Variants in SGCD observed in about 807,000 individuals in gnomAD.
SGCD encodes sarcoglycan delta.
Under a neutral mutation model 36.6 loss-of-function variants are expected in SGCD, and 18 were observed. The observed-to-expected ratio is 0.49, with a 90% CI of 0.34 to 0.73. SGCD has a LOEUF of 0.73. Among genes scored for constraint, SGCD ranks in the 30% least tolerant of loss-of-function variants. The probability of loss-of-function intolerance (pLI) is 0.01; values close to 1 mark genes in which losing one functional copy is unlikely to be tolerated. For missense variants in SGCD, 387 were observed against 346.7 expected (o/e 1.12, Z -0.92); for synonymous variants, 133 against 130.6 (o/e 1.02, Z -0.12).
chr5:155,888,300 C>T (rs774687753), intron 1 of SGCD, among the ~76,000 whole-genome samples: 6 of 152,100 alleles, frequency 3.9e-5, no homozygotes, highest in Non-Finnish European at 7.3e-5. Flanking sequence ...TCTTCATTTC[C>T]GAAATGTATT....
At chr5:156,665,093 A>G (rs1764091889) in intron 7 of SGCD, among the ~76,000 whole-genome samples, 1 of 151,860 alleles carries the variant, frequency 6.6e-6, no homozygotes, top group Non-Finnish European at 1.5e-5. Context: ...GGATATCCAT[A>G]CTGACTTTCT....
the SGCD span, among the ~76,000 whole-genome samples, chr5:155,738,407 T>A: frequency 6.6e-6 from 1 of 152,208 alleles, no homozygotes; most frequent in African/African-American, 2.4e-5. Context: ...ACAAAAAGCA[T>A]GTTTTTCCTC....
At chr5:156,701,564 C>G (rs28445785) in intron 7 of SGCD, among the ~76,000 whole-genome samples, 90 of 152,158 alleles carry the variant, frequency 5.9e-4, no homozygotes, top group African/African-American at 2.1e-3. Context: ...ATGGGGGACA[C>G]TGGTGATAGA....
rs1388220517 is a variant in SGCD at position 156,433,005 on chromosome 5, G to A, written c.193-75596G>A. ...CACTTCCTGCTCACTCACAGATTCT[G>A]TTCAGGAGAGTTCATCCCACTCAAA... On this transcript the variant is annotated intron_variant, in intron 3 of 8. Coordinates refer to ENST00000337851, the MANE Select transcript of SGCD (RefSeq NM_000337.6). 2.0e-5 allele frequency among the ~76,000 whole-genome samples: 3 copies of A among 152,166 alleles called. No individual in the cohort carries two copies. The East Asian group carries it at 5.8e-4, about 29-fold the overall frequency.
the SGCD span, among the ~76,000 whole-genome samples, chr5:155,812,949 A>G: frequency 7.9e-4 from 120 of 152,194 alleles, no homozygotes; most frequent in African/African-American, 2.8e-3. Context: ...TAAATGAGAC[A>G]CCTGGAATGT....
intron 3 of SGCD, among the ~76,000 whole-genome samples, chr5:156,448,099 T>C (rs1753825284): frequency 6.6e-6 from 1 of 152,142 alleles, no homozygotes; most frequent in East Asian, 1.9e-4. Context: ...AAAAATACCA[T>C]TGTACTACAT....
At chr5:156,142,781 C>T (rs553437546) in intron 3 of SGCD, among the ~76,000 whole-genome samples, 51 of 152,034 alleles carry the variant, frequency 3.4e-4, no homozygotes, top group Non-Finnish European at 6.3e-4. Context: ...AGCCTAAGTC[C>T]TTATGTATGA....
chr5:155,796,494 A>T, the SGCD span, among the ~76,000 whole-genome samples: 1 of 151,984 alleles, frequency 6.6e-6, no homozygotes, highest in Non-Finnish European at 1.5e-5. Context: ...CATATAAGAA[A>T]AAAAAAACAC....
intron 1 of SGCD, among the ~76,000 whole-genome samples, chr5:155,887,934 A>G (rs1289308711): frequency 6.6e-6 from 1 of 152,222 alleles, no homozygotes; most frequent in Non-Finnish European, 1.5e-5. Flanking sequence ...TCTCTTGATA[A>G]CACTATTTCC....
chr5:156,488,666 C>G (rs1755810249), intron 3 of SGCD, among the ~76,000 whole-genome samples: 1 of 152,122 alleles, frequency 6.6e-6, no homozygotes, highest in African/African-American at 2.4e-5. Context: ...AGTCTTACAT[C>G]TGGAAGCCAG....
At chr5:156,257,537 T>C (rs1765746503) in intron 3 of SGCD, among the ~76,000 whole-genome samples, 1 of 151,860 alleles carries the variant, frequency 6.6e-6, no homozygotes, top group Admixed American at 6.6e-5. Context: ...TATTATTTGC[T>C]ACCACACACC....
At chr5:156,371,205 C>A (rs75894030) in intron 3 of SGCD, among the ~76,000 whole-genome samples, 5,772 of 152,206 alleles carry the variant, frequency 0.038, 330 homozygotes, top group African/African-American at 0.13. Context: ...CCAATTGAAG[C>A]AGTCCTTATG....
chr5:156,205,992 T>TA (rs1561564682), intron 3 of SGCD, among the ~76,000 whole-genome samples: 76 of 146,818 alleles, frequency 5.2e-4, no homozygotes, highest in African/African-American at 1.8e-3. Context: ...TATATATATT[T>TA]TATATATATA....
chr5:156,497,642 T>TCACA (rs1257191630), intron 3 of SGCD, among the ~76,000 whole-genome samples: 1 of 151,396 alleles, frequency 6.6e-6, no homozygotes, highest in African/African-American at 2.4e-5. Context: ...TCTCTCTCTC[T>TCACA]CTCACACACA....
At chr5:156,007,410 T>C (rs918828150) in intron 1 of SGCD, among the ~76,000 whole-genome samples, 1 of 152,232 alleles carries the variant, frequency 6.6e-6, no homozygotes, top group Non-Finnish European at 1.5e-5. Context: ...AAACATTTCA[T>C]CTTTCTAGTG....
At chr5:156,520,738 C>G (rs923051062) in intron 4 of SGCD, among the ~76,000 whole-genome samples, 1 of 152,064 alleles carries the variant, frequency 6.6e-6, no homozygotes, top group Non-Finnish European at 1.5e-5. Flanking sequence ...GACCACACAG[C>G]CAGGCGCGGT....
chr5:156,128,811 T>C (rs953582285), intron 3 of SGCD, among the ~76,000 whole-genome samples: 3 of 152,234 alleles, frequency 2.0e-5, no homozygotes, highest in Non-Finnish European at 2.9e-5. Flanking sequence ...CTTTTCTTTA[T>C]AAATTACCCA....
chr5:156,572,435 T>C (rs1759761200), intron 4 of SGCD, among the ~76,000 whole-genome samples: 1 of 152,190 alleles, frequency 6.6e-6, no homozygotes, highest in Non-Finnish European at 1.5e-5. Flanking sequence ...TTTTCTATTA[T>C]AATTATTCTA....
At chr5:156,682,590 G>A (rs937413122) in intron 7 of SGCD, among the ~76,000 whole-genome samples, 2 of 152,206 alleles carry the variant, frequency 1.3e-5, no homozygotes, top group South Asian at 2.1e-4. Context: ...GGTTAACACA[G>A]TGACCAAGAC....
Sources: allele counts gnomAD v4.1 joint callset (sites outside exome capture counted in the v4.1 genomes callset), GRCh38; gene constraint gnomAD v4.1.1; transcripts MANE v1.5; gene names NCBI Gene and HGNC (gene_info 2026-07-23, HGNC 2026-07-21).